DOCK2: variants seen among roughly 807,000 people sequenced by gnomAD.
The protein encoded by DOCK2 is dedicator of cytokinesis protein 2.
Under a neutral mutation model 248.9 loss-of-function variants are expected in DOCK2, and 87 were observed. The ratio of observed to expected loss-of-function variants is 0.35; its 90% CI spans 0.29 to 0.42. The LOEUF is 0.42. DOCK2 is among the 10% of genes least tolerant of loss of function. DOCK2 has a pLI of 1.00. For synonymous variants in DOCK2, 805 were observed against 821.6 expected (o/e 0.98, Z 0.35); for missense variants, 1,747 against 2,300.2 (o/e 0.76, Z 4.92).
At chr5:170,033,528 CATG>C (rs1194607040) in intron 34 of DOCK2, among the ~76,000 whole-genome samples, 1 of 152,178 alleles carries the variant, frequency 6.6e-6, no homozygotes, top group Non-Finnish European at 1.5e-5. Context: ...CATAGAGACA[CATG>C]ATGGCCATGT....
intron 5 of DOCK2, among the ~76,000 whole-genome samples, chr5:169,673,792 T>C (rs887114565): frequency 8.5e-5 from 13 of 152,200 alleles, no homozygotes; most frequent in Non-Finnish European, 1.9e-4. Context: ...CACAGAAGGA[T>C]GGAAATGGAG....
intron 25 of DOCK2, among the ~76,000 whole-genome samples, chr5:169,781,882 C>T (rs527250007): frequency 6.6e-6 from 1 of 152,162 alleles, no homozygotes; most frequent in African/African-American, 2.4e-5. Flanking sequence ...CAAAAATTTG[C>T]TTTTCATCAG....
chr5:169,995,794 A>C (rs1274970792), intron 29 of DOCK2, among the ~76,000 whole-genome samples: 2 of 152,128 alleles, frequency 1.3e-5, no homozygotes, highest in Non-Finnish European at 2.9e-5. Flanking sequence ...ATTTCTCTTT[A>C]GATCTTTTCT....
At chr5:169,717,590 T>A in intron 21 of DOCK2, 106 bp downstream of exon 21, 1 of 993,490 alleles carries the variant, frequency 1.0e-6, no homozygotes, top group Non-Finnish European at 1.6e-6. Context: ...CTCATCTGTG[T>A]GAGCTCTCCA....
chr5:169,782,670 G>T (rs1191670899), intron 25 of DOCK2, among the ~76,000 whole-genome samples: 2 of 152,112 alleles, frequency 1.3e-5, no homozygotes, highest in Non-Finnish European at 1.5e-5. Context: ...AAATTCAACA[G>T]CCATGTAGGT....
At chr5:169,918,636 GGTGCA>G (rs1336403388) in intron 27 of DOCK2, among the ~76,000 whole-genome samples, 5 of 152,198 alleles carry the variant, frequency 3.3e-5, no homozygotes, top group African/African-American at 1.2e-4. Flanking sequence ...AACTAGACCA[GGTGCA>G]GTGGCTCATG....
chr5:170,069,015 A>G, intron 45 of DOCK2, 122 bp from the exon 46 acceptor site: 1 of 795,642 alleles, frequency 1.3e-6, no homozygotes. Flanking sequence ...CTCTTGTTCC[A>G]TCCACATGCC....
intron 26 of DOCK2, among the ~76,000 whole-genome samples, chr5:169,815,954 G>A (rs373088423): frequency 2.6e-5 from 4 of 152,304 alleles, no homozygotes; most frequent in South Asian, 4.1e-4. Flanking sequence ...CTAGTTGAAA[G>A]GAACAGCCAT....
intron 44 of DOCK2, among the ~76,000 whole-genome samples, chr5:170,061,024 C>T (rs1362913766): frequency 2.0e-5 from 3 of 151,510 alleles, no homozygotes; most frequent in African/African-American, 7.3e-5. Context: ...AGCAAGACTC[C>T]ATCTAAAAAA....
intron 26 of DOCK2, among the ~76,000 whole-genome samples, chr5:169,820,752 G>A (rs1768377631): frequency 6.6e-6 from 1 of 152,186 alleles, no homozygotes; most frequent in African/African-American, 2.4e-5. Context: ...ACCAGCAAAG[G>A]AACAAAGCTG....
Position 169,765,070 on chromosome 5 carries a change from GCA to G in DOCK2, c.2554+3477_2554+3478del, listed in dbSNP as rs142755026. On this transcript the variant is annotated intron_variant, in intron 25 of 51. Coordinates refer to ENST00000520908, the MANE Select transcript of DOCK2 (RefSeq NM_004946.3). ...ATTTACCCCTCAGGGCTCTTTTAGC[GCA>G]CACACACACACACACACACACACAC... is the stretch of plus-strand genomic sequence containing the variant. Among the ~76,000 whole-genome samples, 321 of 146,556 alleles carry G rather than the reference GCA, an allele frequency of 2.2e-3. 2 individuals carry two copies. The highest frequency in any genetic ancestry group is 8.3e-3 in the South Asian group (38 of 4,560).
chr5:169,979,236 G>C (rs747496645), intron 27 of DOCK2, among the ~76,000 whole-genome samples: 26 of 152,282 alleles, frequency 1.7e-4, no homozygotes, highest in East Asian at 1.9e-4. Context: ...TGTAAAGTTT[G>C]AACAACGTCA....
chr5:169,903,572 G>A (rs1774084783), intron 27 of DOCK2, among the ~76,000 whole-genome samples: 1 of 152,258 alleles, frequency 6.6e-6, no homozygotes, highest in Non-Finnish European at 1.5e-5. Flanking sequence ...GGGGAGATGG[G>A]AGAAGGGAAG....
chr5:169,875,282 G>A (rs1487566304), intron 27 of DOCK2: 1 of 456,676 alleles, frequency 2.2e-6, no homozygotes, highest in Non-Finnish European at 4.4e-6. Flanking sequence ...TGATTCAGTG[G>A]CTTTGGGGCT....
At chr5:170,030,126 T>A (rs1756078317) in intron 34 of DOCK2, among the ~76,000 whole-genome samples, 1 of 152,352 alleles carries the variant, frequency 6.6e-6, no homozygotes, top group East Asian at 1.9e-4. Context: ...TGAAGCAATG[T>A]ACAGTGCTGG....
chr5:170,025,806 T>C (rs1009456378), intron 33 of DOCK2, among the ~76,000 whole-genome samples: 1 of 84,938 alleles, frequency 1.2e-5, no homozygotes, highest in African/African-American at 4.8e-5. Flanking sequence ...CTTCCTTCCT[T>C]CCTTCCTTCC....
At chr5:169,756,742 G>A (rs262855) in intron 23 of DOCK2, among the ~76,000 whole-genome samples, 47,959 of 151,890 alleles carry the variant, frequency 0.32, 10,762 homozygotes, top group African/African-American at 0.62. Flanking sequence ...CCTGACCAAC[G>A]TGGTGAAACC....
chr5:169,856,984 A>C (rs978649901), intron 27 of DOCK2, among the ~76,000 whole-genome samples: 1 of 152,190 alleles, frequency 6.6e-6, no homozygotes, highest in Non-Finnish European at 1.5e-5. Context: ...GGATTCTAAG[A>C]ATTTGTGAAA....
chr5:169,704,759 ATGTGTGTGTGTGTGTG>A (rs56289708), intron 14 of DOCK2, among the ~76,000 whole-genome samples: 10,202 of 139,820 alleles, frequency 0.073, 588 homozygotes, highest in Admixed American at 0.16. Flanking sequence ...CTCCATATAT[ATGTGTGTGTGTGTGTG>A]TGTGTGTGTG....
Sources: gnomAD v4.1 joint callset for allele counts (sites outside exome capture counted in the v4.1 genomes callset) on GRCh38, gnomAD v4.1.1 for gene constraint, MANE v1.5 for transcripts, NCBI Gene and HGNC (gene_info 2026-07-23, HGNC 2026-07-21) for gene names.